Variants in ELAVL4 observed in about 807,000 individuals in gnomAD.
ELAVL4 encodes ELAV like RNA binding protein 4.
ELAVL4 carries 1 observed loss-of-function variant against 35.6 expected under a neutral mutation model. The observed-to-expected ratio is 0.03, with a 90% CI of 0.01 to 0.13. The LOEUF is 0.13. ELAVL4 is among the 10% of genes least tolerant of loss of function. ELAVL4 has a pLI of 1.00. For missense variants in ELAVL4, 267 were observed against 464.9 expected (o/e 0.57, Z 3.91); for synonymous variants, 156 against 171.0 (o/e 0.91, Z 0.69).
intron 2 of ELAVL4, among the ~76,000 whole-genome samples, chr1:50,149,341 T>C (rs1170036951): frequency 6.6e-6 from 1 of 151,586 alleles, no homozygotes; most frequent in Non-Finnish European, 1.5e-5. Flanking sequence ...GAGGTTGCAT[T>C]GAGCTGAGAT....
chr1:50,127,890 A>G (rs1418693048), intron 1 of ELAVL4, among the ~76,000 whole-genome samples: 1 of 152,190 alleles, frequency 6.6e-6, no homozygotes, highest in Non-Finnish European at 1.5e-5. Flanking sequence ...GAATGGATGT[A>G]GAAGTGATTA....
chr1:50,200,886 T>A lies in ELAVL4; in HGVS notation c.809T>A (p.Leu270His), dbSNP rs1159474949. ...ATTACCATTGATGGAATGACAAGCC[T>A]TGTGGGAATGAACATCCCTGGTCAC... ...SPITIDGMTS[L>H]VGMNIPGHTG... is the part of the protein sequence containing the mutation. Residue 270 changes from leucine to histidine, a missense_variant, in exon 7 of 7, where the codon CTT (leucine) becomes CAT (histidine). Physicochemically the swap from Leu to His is moderately conservative, Grantham distance 99. This residue lies in a region of ELAVL4 where 216 missense variants were observed against 409.5 expected (regional missense o/e 0.53). Coordinates refer to ENST00000371824, the MANE Select transcript of ELAVL4 (RefSeq NM_001144774.3). 10 of 1,613,954 alleles carry A rather than the reference T, an allele frequency of 6.2e-6. No homozygotes were observed. Among genetic ancestry groups the A allele is most frequent in the Non-Finnish European group, 6.8e-6 (8 of 1,179,960 alleles).
intron 1 of ELAVL4, among the ~76,000 whole-genome samples, chr1:50,111,548 A>AT (rs1299348630): frequency 2.6e-5 from 4 of 151,980 alleles, no homozygotes; most frequent in Admixed American, 1.3e-4. Flanking sequence ...TGTACCTCTC[A>AT]TTTTTTTCCT....
chr1:50,073,679 C>G (rs956713511), intron 1 of ELAVL4, among the ~76,000 whole-genome samples: 1 of 151,946 alleles, frequency 6.6e-6, no homozygotes, highest in Non-Finnish European at 1.5e-5. Context: ...CACATACACA[C>G]GAAACATTAA....
At chr1:50,057,775 C>T (rs139715399) in intron 1 of ELAVL4, among the ~76,000 whole-genome samples, 7 of 152,120 alleles carry the variant, frequency 4.6e-5, no homozygotes, top group African/African-American at 9.7e-5. Context: ...AATTGCCTGA[C>T]GTATTTCTCA....
At chr1:50,089,506 A>G (rs949632809) in intron 1 of ELAVL4, among the ~76,000 whole-genome samples, 6 of 152,194 alleles carry the variant, frequency 3.9e-5, no homozygotes, top group African/African-American at 1.2e-4. Flanking sequence ...TAATCCCAGC[A>G]TTTTGGGAGG....
intron 1 of ELAVL4, among the ~76,000 whole-genome samples, chr1:50,052,043 T>C (rs923126578): frequency 1.3e-5 from 2 of 152,184 alleles, no homozygotes; most frequent in Admixed American, 6.5e-5. Context: ...GACCTCCTTT[T>C]ACCTTAATTA....
intron 1 of ELAVL4, among the ~76,000 whole-genome samples, chr1:50,125,326 A>G (rs1436051909): frequency 6.6e-6 from 1 of 152,016 alleles, no homozygotes; most frequent in East Asian, 1.9e-4. Flanking sequence ...AAAATAAAAG[A>G]TGCTAGATTA....
At chr1:50,152,457 C>A (rs1047502023) in intron 2 of ELAVL4, among the ~76,000 whole-genome samples, 1 of 152,082 alleles carries the variant, frequency 6.6e-6, no homozygotes, top group African/African-American at 2.4e-5. Flanking sequence ...CTCACTCCTC[C>A]CTTCTCTGTA....
At chr1:50,115,835 G>A (rs566370384) in intron 1 of ELAVL4, among the ~76,000 whole-genome samples, 4 of 152,138 alleles carry the variant, frequency 2.6e-5, no homozygotes, top group East Asian at 1.9e-4. Context: ...TCTTTGGAAC[G>A]TGGAATCCAA....
chr1:50,154,131 T>C (rs1229692693), intron 2 of ELAVL4, among the ~76,000 whole-genome samples: 1 of 152,222 alleles, frequency 6.6e-6, no homozygotes, highest in Non-Finnish European at 1.5e-5. Flanking sequence ...ACCACCTTTG[T>C]GTCAGTGAAA....
chr1:50,090,248 C>T (rs888428303), intron 1 of ELAVL4, among the ~76,000 whole-genome samples: 8 of 152,246 alleles, frequency 5.3e-5, no homozygotes, highest in Admixed American at 5.2e-4. Context: ...GAAACTCTCA[C>T]ATATAAAAAG....
At chr1:50,178,753 C>G (rs1680524123) in intron 3 of ELAVL4, among the ~76,000 whole-genome samples, 1 of 152,174 alleles carries the variant, frequency 6.6e-6, no homozygotes, top group Admixed American at 6.5e-5. Context: ...TCACCTGACT[C>G]TTTGATGAGG....
At chr1:50,156,867 C>G (rs1425331058) in intron 2 of ELAVL4, among the ~76,000 whole-genome samples, 1 of 151,994 alleles carries the variant, frequency 6.6e-6, no homozygotes, top group Non-Finnish European at 1.5e-5. Flanking sequence ...ACATTGTATT[C>G]CAGTAAACCT....
At chr1:50,054,977 C>T (rs1663579107) in intron 1 of ELAVL4, among the ~76,000 whole-genome samples, 1 of 152,218 alleles carries the variant, frequency 6.6e-6, no homozygotes, top group East Asian at 1.9e-4. Context: ...GCGTGGAGGC[C>T]ACATCACCTA....
Position 50,201,136 on chromosome 1 carries a change from G to A in ELAVL4, c.1059G>A (p.Val353=), listed in dbSNP as rs756202323. ...SLNGYRLGDR[V]LQVSFKTNKA... ...ACGGGTACCGCCTGGGAGACAGAGT[G>A]TTGCAAGTTTCCTTTAAAACCAACA... The change falls in exon 7 of 7, where the codon GTG becomes GTA. Residue 353 remains valine, a synonymous_variant. Coordinates refer to ENST00000371824, the MANE Select transcript of ELAVL4 (RefSeq NM_001144774.3). This position sits in a 1 kb window ranked among gnomAD's most constrained non-coding sequence, Gnocchi z 4.3. 30 of 1,606,976 alleles carry A rather than the reference G, an allele frequency of 1.9e-5. No homozygotes were observed. The East Asian group carries it at 6.5e-4, about 35-fold the overall frequency.
intron 1 of ELAVL4, among the ~76,000 whole-genome samples, chr1:50,080,676 G>C (rs953415835): frequency 2.0e-5 from 3 of 152,086 alleles, no homozygotes; most frequent in African/African-American, 7.2e-5. Context: ...TGGGCATGTC[G>C]TTTCCTTTCT....
intron 1 of ELAVL4, among the ~76,000 whole-genome samples, chr1:50,058,626 T>C (rs1663801425): frequency 6.6e-6 from 1 of 151,976 alleles, no homozygotes; most frequent in South Asian, 2.1e-4. Flanking sequence ...TCCTTTTTTT[T>C]TTTTCCTGAC....
intron 1 of ELAVL4, among the ~76,000 whole-genome samples, chr1:50,049,300 C>A (rs1663233809): frequency 1.3e-5 from 2 of 152,160 alleles, no homozygotes; most frequent in Admixed American, 1.3e-4. Flanking sequence ...GTGCGCCTAG[C>A]TTTTAATATT....
Sources: allele counts gnomAD v4.1 joint callset (sites outside exome capture counted in the v4.1 genomes callset), GRCh38; gene constraint gnomAD v4.1.1; regional missense constraint gnomAD v4.1.1; non-coding constraint Gnocchi (gnomAD v3.1); transcripts MANE v1.5; gene names NCBI Gene and HGNC (gene_info 2026-07-23, HGNC 2026-07-21).